The following CMSS1 variants were observed in gnomAD, a reference collection of about 807,000 sequenced individuals.
The protein encoded by CMSS1 is cms1 ribosomal small subunit homolog.
Under a neutral mutation model 43.5 loss-of-function variants are expected in CMSS1, and 33 were observed. That is an observed-to-expected ratio of 0.76 (90% CI 0.57 to 1.01). CMSS1 has a LOEUF of 1.01. Among genes scored for constraint, CMSS1 ranks in the 50% least tolerant of loss-of-function variants. The pLI, the probability that CMSS1 is intolerant of heterozygous loss-of-function variation, is 0.00. For synonymous variants in CMSS1, 115 were observed against 117.2 expected, an observed-to-expected ratio of 0.98 and a Z score of 0.12; for missense variants, 313 against 326.4, an observed-to-expected ratio of 0.96 and a Z score of 0.32.
chr3:100,081,308 C>T (rs2065928421), intron 1 of CMSS1, among the ~76,000 whole-genome samples: 1 of 152,154 alleles, frequency 6.6e-6, no homozygotes, highest in African/African-American at 2.4e-5. Flanking sequence ...TCATGTAAAA[C>T]AAATTATATA....
At chr3:100,032,610 A>G (rs1013498998) in intron 1 of CMSS1, among the ~76,000 whole-genome samples, 4 of 152,170 alleles carry the variant, frequency 2.6e-5, no homozygotes, top group African/African-American at 9.6e-5. Flanking sequence ...AAAAATCTCT[A>G]TTTTTTGACA....
chr3:99,968,152 C>A (rs1019867859), intron 1 of CMSS1, among the ~76,000 whole-genome samples: 1 of 152,036 alleles, frequency 6.6e-6, no homozygotes, highest in Admixed American at 6.6e-5. Flanking sequence ...AGGGAAGGTA[C>A]CTTGGAGGAT....
At chr3:100,012,638 A>G (rs1710191686) in intron 1 of CMSS1, among the ~76,000 whole-genome samples, 1 of 152,200 alleles carries the variant, frequency 6.6e-6, no homozygotes, top group Admixed American at 6.5e-5. Flanking sequence ...GACTCAGTTC[A>G]GCTAAACTAC....
At chr3:99,893,162 C>CTTT (rs1200176411) in intron 1 of CMSS1, among the ~76,000 whole-genome samples, 56 of 107,606 alleles carry the variant, frequency 5.2e-4, no homozygotes, top group East Asian at 1.3e-3. Flanking sequence ...GGCATCTAGA[C>CTTT]TTTTTTTTTT....
intron 1 of CMSS1, among the ~76,000 whole-genome samples, chr3:99,949,344 A>G (rs567370878): frequency 4.6e-5 from 7 of 152,338 alleles, no homozygotes; most frequent in Admixed American, 2.0e-4. Context: ...AAAACCCTCC[A>G]TAGTTGGCAA....
chr3:99,901,431 G>T (rs1278005171), intron 1 of CMSS1, among the ~76,000 whole-genome samples: 2 of 152,136 alleles, frequency 1.3e-5, no homozygotes, highest in African/African-American at 4.8e-5. Flanking sequence ...ATGCACTTTT[G>T]TAATTTTCCT....
chr3:99,840,742 A>G (rs1478100485), intron 1 of CMSS1, among the ~76,000 whole-genome samples: 1 of 152,224 alleles, frequency 6.6e-6, no homozygotes, highest in African/African-American at 2.4e-5. Flanking sequence ...TGTGATCTTA[A>G]AGATCACCAA....
intron 1 of CMSS1, among the ~76,000 whole-genome samples, chr3:99,901,692 T>C (rs1576559355): frequency 6.6e-6 from 1 of 152,228 alleles, no homozygotes; most frequent in Non-Finnish European, 1.5e-5. Flanking sequence ...GTAACTCTAC[T>C]CTCAGCCAAG....
At position 100,172,090 on chromosome 3, in the gene CMSS1, G is replaced by A. The variant is rs529224523; in HGVS notation, c.579+191G>A. On this transcript the variant is annotated intron_variant, in intron 7 of 9. Transcript: ENST00000421999. ...CCTCCCCAGTATGGCAGTCGCTACTGCCATGCTCTGTCCCTGTATAGAACC... is the reference window on the plus strand; with the variant it reads ...CCTCCCCAGTATGGCAGTCGCTACTACCATGCTCTGTCCCTGTATAGAACC... 7.9e-6 allele frequency: 5 copies of A among 633,382 alleles called. No homozygotes were observed. The African/African-American group carries it at 9.2e-5, about 12-fold the overall frequency. The allele number at this position is 633,382 out of a possible 1,614,324, so 39.2% of individuals were successfully genotyped here. A position where few individuals can be genotyped will look rare whatever the true frequency, so the allele number is the denominator to read the frequency against.
chr3:100,178,321 T>C lies in CMSS1; in HGVS notation c.773T>C (p.Phe258Ser). Residue 258 changes from phenylalanine to serine, a missense_variant, in exon 10 of 10, where the codon TTC becomes TCC. Physicochemically the swap from Phe to Ser is radical, Grantham distance 155. Coordinates refer to ENST00000421999, the MANE Select transcript of CMSS1 (RefSeq NM_032359.4). Reference sequence around the variant, plus strand: ...CTCATTTAGATAAGAAAGGAGGTATTCGAACTTCTGGAAATGGGAGTGCTC... The same window carrying C: ...CTCATTTAGATAAGAAAGGAGGTATCCGAACTTCTGGAAATGGGAGTGCTC... ...MDIPEIRKEV[F>S]ELLEMGVLSL... 6.2e-7 allele frequency: 1 copy of C among 1,612,110 alleles called. No individual in the cohort carries two copies. The highest frequency in any genetic ancestry group is 1.7e-5 in the Admixed American group (1 of 59,962).
chr3:99,959,963 G>T (rs1341053244), intron 1 of CMSS1, among the ~76,000 whole-genome samples: 1 of 152,068 alleles, frequency 6.6e-6, no homozygotes, highest in African/African-American at 2.4e-5. Flanking sequence ...TCTGTCACTT[G>T]CAGAAAAAAA....
chr3:100,022,413 T>C (rs2064842831), intron 1 of CMSS1, among the ~76,000 whole-genome samples: 1 of 152,214 alleles, frequency 6.6e-6, no homozygotes, highest in South Asian at 2.1e-4. Context: ...ACAACTCTGC[T>C]ACAGTATTCA....
chr3:100,134,614 A>G (rs2066735458), intron 1 of CMSS1, among the ~76,000 whole-genome samples: 1 of 152,232 alleles, frequency 6.6e-6, no homozygotes, highest in African/African-American at 2.4e-5. Flanking sequence ...AATCAGGACT[A>G]GCCAAGGCAA....
chr3:99,849,609 T>C (rs1943557553), intron 1 of CMSS1: 1 of 1,613,374 alleles, frequency 6.2e-7, no homozygotes, highest in Admixed American at 1.7e-5. Context: ...TCTTTTCTGC[T>C]AACTTGTACT....
At chr3:100,013,429 A>G (rs973475327) in intron 1 of CMSS1, among the ~76,000 whole-genome samples, 10 of 151,606 alleles carry the variant, frequency 6.6e-5, no homozygotes, top group Non-Finnish European at 1.5e-5. Flanking sequence ...TTTTTAGTAG[A>G]GACCGGGTTT....
chr3:99,840,043 A>C (rs540320365), intron 1 of CMSS1, among the ~76,000 whole-genome samples: 65 of 152,176 alleles, frequency 4.3e-4, no homozygotes, highest in African/African-American at 1.5e-3. Context: ...GGGGGATGCT[A>C]CATGGTGTGT....
intron 1 of CMSS1, among the ~76,000 whole-genome samples, chr3:99,897,550 A>G (rs567243475): frequency 8.5e-5 from 13 of 152,266 alleles, no homozygotes; most frequent in Middle Eastern, 3.4e-3. Context: ...TGAGTAGTCT[A>G]TATTCTCTAA....
intron 1 of CMSS1, among the ~76,000 whole-genome samples, chr3:99,832,869 T>C (rs1942740594): frequency 6.7e-6 from 1 of 149,888 alleles, no homozygotes; most frequent in Non-Finnish European, 1.5e-5. Context: ...TTGTTTTTTT[T>C]TTTTTTCTTG....
At chr3:100,058,947 G>T (rs1391277842) in intron 1 of CMSS1, among the ~76,000 whole-genome samples, 2 of 152,214 alleles carry the variant, frequency 1.3e-5, no homozygotes, top group Non-Finnish European at 2.9e-5. Context: ...GGACAGCATG[G>T]AGAAGGCATT....
Sources: allele counts gnomAD v4.1 joint callset (sites outside exome capture counted in the v4.1 genomes callset), GRCh38; gene constraint gnomAD v4.1.1; transcripts MANE v1.5; gene names NCBI Gene and HGNC (gene_info 2026-07-23, HGNC 2026-07-21).